Variants in EIF3I observed in about 807,000 individuals in gnomAD.
EIF3I encodes the protein eukaryotic translation initiation factor 3 subunit I, also known as TGF-beta receptor-interacting protein 1.
Under a neutral mutation model 43.3 loss-of-function variants are expected in EIF3I, and 20 were observed. That is an observed-to-expected ratio of 0.46 (90% CI 0.32 to 0.67). The LOEUF is 0.67. EIF3I is among the 30% of genes least tolerant of loss of function. The pLI is 0.03. For missense variants in EIF3I, 279 were observed against 421.4 expected (o/e 0.66, Z 2.96); for synonymous variants, 167 against 151.7 (o/e 1.10, Z -0.74).
chr1:32,226,635 C>T (rs928422475), intron 6 of EIF3I, 105 bp downstream of exon 6: 38 of 1,201,064 alleles, frequency 3.2e-5, no homozygotes, highest in African/African-American at 1.4e-4. Context: ...GGCGCCATCT[C>T]GGCTCACTGC....
At chr1:32,234,634 G>C (rs1230053826), downstream of EIF3I, 1 of 153,064 alleles carries the variant, frequency 6.5e-6, no homozygotes, top group Admixed American at 6.5e-5. Flanking sequence ...CTGGGGAGGG[G>C]GCAGAGCAAT....
At chr1:32,231,213 C>T in exon 12 of EIF3I, 2 of 1,612,528 alleles carry the variant, frequency 1.2e-6, no homozygotes, top group Non-Finnish European at 1.7e-6. Flanking sequence ...GGATCTCCTG[C>T]CGGGCGTGGT....
At chr1:32,229,597 C>G (rs1189249864) in intron 9 of EIF3I, among the ~76,000 whole-genome samples, 3 of 132,516 alleles carry the variant, frequency 2.3e-5, no homozygotes, top group Non-Finnish European at 4.7e-5. Context: ...GTCACCCAGG[C>G]TGGAGTGCAA....
chr1:32,234,881 TCA>T (rs1475058675), downstream of EIF3I: 2 of 152,654 alleles, frequency 1.3e-5, no homozygotes, highest in South Asian at 2.1e-4. Context: ...GCTTACTGAA[TCA>T]CAGTTTTGCA....
downstream of EIF3I, among the ~76,000 whole-genome samples, chr1:32,232,360 G>A (rs1389651874): frequency 6.6e-6 from 1 of 152,208 alleles, no homozygotes; most frequent in Non-Finnish European, 1.5e-5. Flanking sequence ...TAGAATAAAA[G>A]GGGAACAAGA....
downstream of EIF3I, among the ~76,000 whole-genome samples, chr1:32,232,487 G>A (rs944933229): frequency 2.6e-5 from 4 of 152,182 alleles, no homozygotes; most frequent in Admixed American, 6.5e-5. Flanking sequence ...AACAGACCTA[G>A]CATACCCACT....
chr1:32,224,816 C>T (rs1359553964), intron 4 of EIF3I, among the ~76,000 whole-genome samples: 1 of 151,260 alleles, frequency 6.6e-6, no homozygotes, highest in African/African-American at 2.4e-5. Flanking sequence ...GGATTATAGG[C>T]GCACGCCACC....
At chr1:32,231,076 G>T (rs760320688) in intron 11 of EIF3I, 39 bp from the exon 11 acceptor site, 1 of 1,613,822 alleles carries the variant, frequency 6.2e-7, no homozygotes, top group African/African-American at 1.3e-5. Flanking sequence ...GCCTTTCCCA[G>T]AGTAAGCACC....
chr1:32,224,526 ACC>A, intron 4 of EIF3I, 51 bp downstream of exon 4: 1 of 1,430,316 alleles, frequency 7.0e-7, no homozygotes, highest in Non-Finnish European at 9.8e-7. Flanking sequence ...CCTACAGTGT[ACC>A]TGTTTGAGTA....
At chr1:32,229,413 T>G (rs1337140869) in intron 9 of EIF3I, among the ~76,000 whole-genome samples, 1 of 150,950 alleles carries the variant, frequency 6.6e-6, no homozygotes, top group Non-Finnish European at 1.5e-5. Flanking sequence ...CCTGGCTAAT[T>G]TTCTTTTTGT....
At chr1:32,227,190 A>C (rs1639160798) in intron 6 of EIF3I, among the ~76,000 whole-genome samples, 1 of 145,296 alleles carries the variant, frequency 6.9e-6, no homozygotes, top group Non-Finnish European at 1.5e-5. Flanking sequence ...AGGCAGGAGG[A>C]TCTCTTGAGC....
chr1:32,224,684 T>A (rs534221575), intron 4 of EIF3I, among the ~76,000 whole-genome samples: 1 of 151,648 alleles, frequency 6.6e-6, no homozygotes, highest in South Asian at 2.1e-4. Flanking sequence ...TTCTTTTTCT[T>A]ATTTTGGAGA....
At chr1:32,226,419 C>T (rs1306055956) in exon 6 of EIF3I, 5 of 1,605,234 alleles carry the variant, frequency 3.1e-6, no homozygotes, top group Admixed American at 1.7e-5. Flanking sequence ...ATGAGCCCTA[C>T]ATGAAGATCC....
At chr1:32,233,063 G>A (rs1287465797), downstream of EIF3I, among the ~76,000 whole-genome samples, 1 of 152,090 alleles carries the variant, frequency 6.6e-6, no homozygotes, top group Non-Finnish European at 1.5e-5. Flanking sequence ...GCATGATCTC[G>A]GCTCACTGCA....
intron 3 of EIF3I, 51 bp downstream of exon 3, chr1:32,224,172 G>C (rs1639099882): frequency 1.3e-6 from 2 of 1,586,388 alleles, no homozygotes; most frequent in African/African-American, 2.7e-5. Flanking sequence ...GTCAGCGATG[G>C]AGAGGCTGAG....
At chr1:32,222,674 T>C in intron 2 of EIF3I, 44 bp downstream of exon 2, 1 of 1,588,022 alleles carries the variant, frequency 6.3e-7, no homozygotes, top group Non-Finnish European at 8.6e-7. Context: ...GGGATCCTTC[T>C]GCCAGGACGA....
At chr1:32,223,198 C>T (rs910903431) in intron 2 of EIF3I, among the ~76,000 whole-genome samples, 3 of 152,198 alleles carry the variant, frequency 2.0e-5, no homozygotes, top group African/African-American at 7.2e-5. Context: ...ATGAGGGTGT[C>T]TCTAGTCTCA....
chr1:32,222,771 T>G, intron 2 of EIF3I, 141 bp downstream of exon 2: 2 of 812,468 alleles, frequency 2.5e-6, no homozygotes, highest in Non-Finnish European at 4.0e-6. Flanking sequence ...CGGGGGTAGG[T>G]TGGCGAAAGT....
intron 10 of EIF3I, 59 bp from the exon 10 acceptor site, chr1:32,230,868 C>T: frequency 7.7e-7 from 1 of 1,298,800 alleles, no homozygotes. Flanking sequence ...GGGAGTGCCA[C>T]CTCCAAAGTG....
Sources: allele counts gnomAD v4.1 joint callset (sites outside exome capture counted in the v4.1 genomes callset), GRCh38; gene constraint gnomAD v4.1.1; transcripts MANE v1.5; gene names NCBI Gene and HGNC (gene_info 2026-07-23, HGNC 2026-07-21).